The following SHANK2 variants were observed in gnomAD, a reference collection of about 807,000 sequenced individuals.
SHANK2 encodes SH3 and multiple ankyrin repeat domains protein 2.
A neutral mutation model predicts 133.7 loss-of-function variants in SHANK2; 43 were observed. That is an observed-to-expected ratio of 0.32 (90% CI 0.25 to 0.41). The LOEUF is 0.41. SHANK2 is among the 10% of genes least tolerant of loss of function. The pLI is 1.00. For synonymous variants in SHANK2, 1,017 were observed against 952.8 expected (o/e 1.07, Z -1.24); for missense variants, 1,994 against 2,235.8 (o/e 0.89, Z 2.18).
chr11:70,722,481 T>C (rs1205155947), intron 14 of SHANK2, among the ~76,000 whole-genome samples: 1 of 152,220 alleles, frequency 6.6e-6, no homozygotes, highest in Non-Finnish European at 1.5e-5. Context: ...TTCAATCCCC[T>C]CTGTTTGAAA....
At chr11:70,760,333 G>C (rs1555039910) in intron 14 of SHANK2, among the ~76,000 whole-genome samples, 1 of 152,166 alleles carries the variant, frequency 6.6e-6, no homozygotes, top group Non-Finnish European at 1.5e-5. Context: ...CCAATTCCCA[G>C]CTCACAGGTT....
intron 3 of SHANK2, among the ~76,000 whole-genome samples, chr11:71,136,521 T>G (rs1166139058): frequency 6.6e-6 from 1 of 152,148 alleles, no homozygotes; most frequent in Admixed American, 6.5e-5. Context: ...ACTTAATAGA[T>G]ACAAAGTACA....
chr11:70,869,831 A>G (rs1555069811), intron 11 of SHANK2, among the ~76,000 whole-genome samples: 2 of 152,118 alleles, frequency 1.3e-5, no homozygotes, highest in East Asian at 3.9e-4. Context: ...TTACTGCCGC[A>G]CTGGGTGCTC....
In SHANK2 at chr11:70,502,830, C is replaced by A. The variant is rs1555159143; in HGVS notation, c.2163G>T (p.Arg721Ser). 6.3e-7 allele frequency: 1 copy of A among 1,585,500 alleles called. No homozygotes were observed. Among genetic ancestry groups the A allele is most frequent in the South Asian group, 1.1e-5 (1 of 90,648 alleles). Residue 721 changes from arginine (R) to serine (S), a missense_variant, in exon 18 of 26, where the codon AGG becomes AGT. By Grantham distance (110) the Arg-to-Ser change is moderately radical (BLOSUM62 -1). Transcript: ENST00000601538. ...TGGCGGTGTCGTCGGGGTCCAGATT[C>A]CTGGTCACCGTGACCACCTTAAGGA... ...HLVLKVVTVT[R>S]NLDPDDTARK...
At chr11:70,848,631 A>G (rs1468031772) in intron 11 of SHANK2, among the ~76,000 whole-genome samples, 5 of 152,214 alleles carry the variant, frequency 3.3e-5, no homozygotes, top group African/African-American at 4.8e-5. Context: ...AGCGCTTCCA[A>G]TGCGATTTGA....
At chr11:70,666,722 C>T (rs1405813768) in intron 15 of SHANK2, among the ~76,000 whole-genome samples, 1 of 152,182 alleles carries the variant, frequency 6.6e-6, no homozygotes, top group East Asian at 1.9e-4. Flanking sequence ...GTTGGGACAG[C>T]CTTCTCCAAG....
intron 17 of SHANK2, among the ~76,000 whole-genome samples, chr11:70,507,271 G>A (rs1245755786): frequency 6.6e-6 from 1 of 152,180 alleles, no homozygotes; most frequent in Non-Finnish European, 1.5e-5. Context: ...TGCTATCACT[G>A]CCTTTGATGC....
intron 8 of SHANK2, among the ~76,000 whole-genome samples, chr11:71,077,504 T>C (rs2135990956): frequency 6.6e-6 from 1 of 152,216 alleles, no homozygotes; most frequent in East Asian, 1.9e-4. Flanking sequence ...TTTTCCCACA[T>C]CCATTGTTTT....
chr11:70,474,312 C>T (rs1245156701), intron 25 of SHANK2: 2 of 152,312 alleles, frequency 1.3e-5, no homozygotes, highest in Non-Finnish European at 2.9e-5. Context: ...CCAGGGTGGC[C>T]ATGGGCGTCC....
intron 14 of SHANK2, among the ~76,000 whole-genome samples, chr11:70,731,619 C>G (rs1565276253): frequency 6.6e-6 from 1 of 152,198 alleles, no homozygotes; most frequent in Admixed American, 6.5e-5. Flanking sequence ...ATTCCATTCA[C>G]TGGACAGACC....
At chr11:70,574,951 C>T (rs943039766) in intron 17 of SHANK2, among the ~76,000 whole-genome samples, 6 of 152,168 alleles carry the variant, frequency 3.9e-5, no homozygotes, top group Admixed American at 6.6e-5. Flanking sequence ...AGAGAGGCCC[C>T]GCTATGAGTC....
At chr11:70,900,367 G>A (rs1950006399) in intron 10 of SHANK2, among the ~76,000 whole-genome samples, 1 of 151,064 alleles carries the variant, frequency 6.6e-6, no homozygotes, top group East Asian at 1.9e-4. Context: ...AAAAAAAAAA[G>A]TTTGCTATGA....
chr11:70,819,499 C>T lies in SHANK2; in HGVS notation c.1493+865G>A, dbSNP rs58778595. Reference sequence around the variant, plus strand: ...CTCGACTGAAAATTCTGGGAGGTGGCGTGAGAAAGGCAGAGACCTGCTTGG... The same window carrying T: ...CTCGACTGAAAATTCTGGGAGGTGGTGTGAGAAAGGCAGAGACCTGCTTGG... On this transcript the variant is annotated intron_variant, in intron 12 of 25. Transcript: ENST00000601538. 9.3e-3 allele frequency among the ~76,000 whole-genome samples: 1,416 copies of T among 152,266 alleles called. 23 individuals are homozygous for T. Among genetic ancestry groups the T allele is most frequent in the African/African-American group, 0.032 (1,327 of 41,546 alleles).
At chr11:71,168,796 G>A (rs1555111670) in intron 2 of SHANK2, among the ~76,000 whole-genome samples, 1 of 141,594 alleles carries the variant, frequency 7.1e-6, no homozygotes, top group African/African-American at 2.6e-5. Context: ...TGGAGAGAGG[G>A]AGAGGGAGAC....
At chr11:71,210,106 A>T (rs1444616302) in intron 2 of SHANK2, among the ~76,000 whole-genome samples, 2 of 150,634 alleles carry the variant, frequency 1.3e-5, no homozygotes, top group East Asian at 3.9e-4. Flanking sequence ...AGGCAGCCTC[A>T]GTCCCAAGGG....
intron 10 of SHANK2, among the ~76,000 whole-genome samples, chr11:70,939,502 A>G (rs1304326440): frequency 6.6e-6 from 1 of 151,980 alleles, no homozygotes; most frequent in Non-Finnish European, 1.5e-5. Flanking sequence ...AAATAAAACA[A>G]ATAATAATTT....
chr11:70,733,384 C>G (rs1490745065), intron 14 of SHANK2, among the ~76,000 whole-genome samples: 1 of 152,160 alleles, frequency 6.6e-6, no homozygotes, highest in East Asian at 1.9e-4. Flanking sequence ...CACATATTAG[C>G]CCTGTGTGGT....
chr11:70,913,152 G>A (rs782484787), intron 10 of SHANK2, among the ~76,000 whole-genome samples: 6 of 151,060 alleles, frequency 4.0e-5, no homozygotes, highest in Non-Finnish European at 7.4e-5. Context: ...AATAAATTCA[G>A]GTTAGGTCAT....
intron 17 of SHANK2, among the ~76,000 whole-genome samples, chr11:70,597,055 A>G (rs1183542243): frequency 2.6e-5 from 4 of 152,098 alleles, no homozygotes; most frequent in African/African-American, 9.7e-5. Context: ...CTCAGACCCT[A>G]TGAACAAAGC....
Sources: gnomAD v4.1 joint callset for allele counts (sites outside exome capture counted in the v4.1 genomes callset) on GRCh38, gnomAD v4.1.1 for gene constraint, MANE v1.5 for transcripts, NCBI Gene and HGNC (gene_info 2026-07-23, HGNC 2026-07-21) for gene names.